The following GPHN variants were observed in gnomAD, a reference collection of about 807,000 sequenced individuals.
GPHN encodes gephyrin.
A neutral mutation model predicts 95.5 loss-of-function variants in GPHN; 17 were observed. The observed-to-expected ratio is 0.18, with a 90% confidence interval of 0.12 to 0.27. The LOEUF is 0.27. Ranked by LOEUF, GPHN falls within the 10% of genes least tolerant of loss-of-function variation. The pLI is 1.00. For missense variants in GPHN, 660 were observed against 978.1 expected (o/e 0.67, Z 4.34); for synonymous variants, 320 against 322.5 (o/e 0.99, Z 0.08).
intron 12 of GPHN, among the ~76,000 whole-genome samples, chr14:67,092,688 A>G (rs1447140375): frequency 6.6e-6 from 1 of 152,160 alleles, no homozygotes; most frequent in East Asian, 1.9e-4. Context: ...TTAAGAAAGA[A>G]TAGAATGTAA....
chr14:66,581,492 A>T (rs980151609), intron 1 of GPHN, among the ~76,000 whole-genome samples: 2 of 152,000 alleles, frequency 1.3e-5, no homozygotes, highest in African/African-American at 4.8e-5. Flanking sequence ...GGAAGAAAGA[A>T]TTACAAAACA....
At position 66,648,968 on chromosome 14, in the gene GPHN, T is replaced by A. The variant is rs1405279883; in HGVS notation, c.65-32139T>A. 3.3e-5 allele frequency among the ~76,000 whole-genome samples: 5 copies of A among 152,186 alleles called. No homozygotes were observed. In the East Asian group the frequency reaches 9.6e-4, roughly 29 times the overall value. On this transcript the variant is annotated intron_variant, in intron 1 of 22. Transcript: ENST00000478722. ...GAGATTGAGGGATAACTGTTCTGAT[T>A]CAGAGGGTTTTGTTTGATCTTACCC...
At chr14:67,070,809 G>A (rs144816332) in intron 11 of GPHN, among the ~76,000 whole-genome samples, 1,818 of 149,120 alleles carry the variant, frequency 0.012, 19 homozygotes, top group Non-Finnish European at 0.018. Flanking sequence ...TTTTACCACC[G>A]TACTTATTAA....
the GPHN span, among the ~76,000 whole-genome samples, chr14:67,201,250 C>A: frequency 6.6e-6 from 1 of 152,148 alleles, no homozygotes; most frequent in Non-Finnish European, 1.5e-5. Context: ...GCTAGGATGG[C>A]GCTACTGCAC....
the GPHN span, chr14:67,223,677 T>G: frequency 1.1e-6 from 1 of 934,326 alleles, no homozygotes; most frequent in East Asian, 1.2e-4. Context: ...TTATTTTCCC[T>G]GTTTGTTTTC....
chr14:67,303,551 C>T, the GPHN span: 3 of 1,613,748 alleles, frequency 1.9e-6, no homozygotes, highest in Non-Finnish European at 2.5e-6. Context: ...TGACTTTTGT[C>T]CTGATTCCCA....
the GPHN span, among the ~76,000 whole-genome samples, chr14:67,489,922 A>G: frequency 3.0e-4 from 45 of 152,096 alleles, no homozygotes; most frequent in African/African-American, 8.7e-4. Flanking sequence ...CCTGGGAGGC[A>G]GAGCTTGCAG....
At chr14:66,661,859 G>A (rs2065677823) in intron 1 of GPHN, among the ~76,000 whole-genome samples, 1 of 152,166 alleles carries the variant, frequency 6.6e-6, no homozygotes, top group Admixed American at 6.5e-5. Context: ...GCCCACCAGG[G>A]CAGAAGCAGT....
intron 2 of GPHN, among the ~76,000 whole-genome samples, chr14:66,688,366 T>C (rs926624006): frequency 5.3e-5 from 8 of 152,174 alleles, no homozygotes; most frequent in Non-Finnish European, 1.2e-4. Flanking sequence ...GTAACATTTA[T>C]GGAAAAAAGT....
chr14:67,119,217 A>G (rs979874374), intron 16 of GPHN, among the ~76,000 whole-genome samples: 1 of 152,248 alleles, frequency 6.6e-6, no homozygotes, highest in Non-Finnish European at 1.5e-5. Context: ...ATTTCAAGTT[A>G]CATGTCCTGG....
At chr14:66,708,532 A>C (rs1365455171) in intron 2 of GPHN, among the ~76,000 whole-genome samples, 1 of 152,212 alleles carries the variant, frequency 6.6e-6, no homozygotes, top group Admixed American at 6.5e-5. Flanking sequence ...ACATGAATTT[A>C]CAAGATAAAT....
intron 21 of GPHN, among the ~76,000 whole-genome samples, chr14:67,173,558 G>A (rs1224081433): frequency 6.6e-6 from 1 of 152,082 alleles, no homozygotes; most frequent in African/African-American, 2.4e-5. Context: ...AACTGCAAAT[G>A]AAAGACTTTT....
chr14:67,218,436 C>T, the GPHN span, among the ~76,000 whole-genome samples: 4 of 152,088 alleles, frequency 2.6e-5, no homozygotes, highest in Non-Finnish European at 4.4e-5. Flanking sequence ...GACTCAGGGA[C>T]GTGCTCACTG....
chr14:67,469,275 G>A, the GPHN span, among the ~76,000 whole-genome samples: 168 of 152,180 alleles, frequency 1.1e-3, 1 homozygote, highest in East Asian at 0.018. Context: ...TGCCATTTGC[G>A]TTTAGCTGAA....
the GPHN span, among the ~76,000 whole-genome samples, chr14:67,225,995 T>C: frequency 6.8e-6 from 1 of 146,764 alleles, no homozygotes; most frequent in African/African-American, 2.5e-5. Flanking sequence ...GCGTGCATGC[T>C]CATAAGGGCT....
intron 9 of GPHN, among the ~76,000 whole-genome samples, chr14:66,976,253 A>G (rs1185215795): frequency 6.6e-6 from 1 of 152,212 alleles, no homozygotes; most frequent in East Asian, 1.9e-4. Flanking sequence ...AAGTTATGAG[A>G]AGATAGGGAA....
chr14:67,115,837 CCGT>C (rs1167735610), intron 16 of GPHN, among the ~76,000 whole-genome samples: 1 of 152,086 alleles, frequency 6.6e-6, no homozygotes, highest in Non-Finnish European at 1.5e-5. Context: ...CCAAAGAGTG[CCGT>C]ACAAGATGTC....
chr14:67,684,816 A>G, the GPHN span: 1 of 454,962 alleles, frequency 2.2e-6, no homozygotes, highest in Non-Finnish European at 3.9e-6. Context: ...AATTATCAGT[A>G]TAAAAGATGG....
At chr14:67,602,087 A>G in the GPHN span, among the ~76,000 whole-genome samples, 38 of 152,274 alleles carry the variant, frequency 2.5e-4, no homozygotes, top group African/African-American at 8.7e-4. Context: ...CCGTTTTCAC[A>G]CTGCTATAAA....
Sources: gnomAD v4.1 joint callset for allele counts (sites outside exome capture counted in the v4.1 genomes callset) on GRCh38, gnomAD v4.1.1 for gene constraint, MANE v1.5 for transcripts, NCBI Gene and HGNC (gene_info 2026-07-23, HGNC 2026-07-21) for gene names.